The following TPTE2 variants were observed in gnomAD, a reference collection of about 807,000 sequenced individuals.
The protein encoded by TPTE2 is phosphatidylinositol 3,4,5-trisphosphate 3-phosphatase TPTE2.
TPTE2 carries 53 observed loss-of-function variants against 78.6 expected under a neutral mutation model. That is an observed-to-expected ratio of 0.67 (90% CI 0.54 to 0.85). The LOEUF (loss-of-function observed/expected upper bound fraction) is 0.85. Among genes scored for constraint, TPTE2 ranks in the 40% least tolerant of loss-of-function variants. The probability of loss-of-function intolerance (pLI) is 0.00; values close to 1 mark genes in which losing one functional copy is unlikely to be tolerated. For missense variants in TPTE2, 461 were observed against 623.0 expected, an observed-to-expected ratio of 0.74 and a Z score of 2.77; for synonymous variants, 175 against 206.2, an observed-to-expected ratio of 0.85 and a Z score of 1.30.
intron 4 of TPTE2, among the ~76,000 whole-genome samples, chr13:19,479,412 G>A (rs1310991538): frequency 1.3e-5 from 2 of 151,956 alleles, no homozygotes; most frequent in Non-Finnish European, 2.9e-5. Context: ...GACTAGAAAT[G>A]GGCTTCTGAC....
chr13:19,542,711 T>C, the TPTE2 span, among the ~76,000 whole-genome samples: 1 of 152,156 alleles, frequency 6.6e-6, no homozygotes, highest in Admixed American at 6.5e-5. Context: ...ATATTTCATG[T>C]AGGCCAGGCA....
chr13:19,471,813 T>A (rs1276712828), intron 6 of TPTE2, among the ~76,000 whole-genome samples: 1 of 152,234 alleles, frequency 6.6e-6, no homozygotes, highest in Non-Finnish European at 1.5e-5. Context: ...AATGTCCTTA[T>A]CTTTCTGATT....
chr13:19,515,369 G>T (rs1380274507), intron 1 of TPTE2, among the ~76,000 whole-genome samples: 1 of 152,074 alleles, frequency 6.6e-6, no homozygotes, highest in African/African-American at 2.4e-5. Flanking sequence ...TATATTAAAT[G>T]GTATCTTTTT....
intron 5 of TPTE2, 63 bp downstream of exon 8, chr13:19,475,510 G>T: frequency 6.3e-7 from 1 of 1,575,718 alleles, no homozygotes; most frequent in East Asian, 2.3e-5. Context: ...ACAGGCGTGA[G>T]CCACTGCACC....
At chr13:19,436,726 T>C (rs1366373892) in intron 14 of TPTE2, among the ~76,000 whole-genome samples, 1 of 152,130 alleles carries the variant, frequency 6.6e-6, no homozygotes, top group South Asian at 2.1e-4. Flanking sequence ...ACAGTGATCT[T>C]TGGGCAGAGG....
chr13:19,500,579 A>G (rs1482583308), intron 1 of TPTE2, among the ~76,000 whole-genome samples: 3 of 152,240 alleles, frequency 2.0e-5, no homozygotes, highest in Non-Finnish European at 2.9e-5. Flanking sequence ...ATGCAGAAAA[A>G]GCCTTTGACA....
chr13:19,494,853 C>T (rs1172026870), intron 1 of TPTE2, among the ~76,000 whole-genome samples: 2 of 152,188 alleles, frequency 1.3e-5, no homozygotes, highest in African/African-American at 4.8e-5. Flanking sequence ...TAAATAGCTA[C>T]AGTTAGTCTA....
chr13:19,443,766 A>ACC (rs1358485062), intron 13 of TPTE2, among the ~76,000 whole-genome samples: 12 of 127,454 alleles, frequency 9.4e-5, no homozygotes, highest in African/African-American at 3.6e-4. Context: ...ACACACACAC[A>ACC]CACACACACA....
At chr13:19,542,592 T>C in the TPTE2 span, among the ~76,000 whole-genome samples, 2 of 152,194 alleles carry the variant, frequency 1.3e-5, no homozygotes, top group Non-Finnish European at 2.9e-5. Flanking sequence ...GTTTATATTG[T>C]GTAAATATTC....
intron 10 of TPTE2, among the ~76,000 whole-genome samples, chr13:19,453,698 A>C (rs1878352386): frequency 6.6e-6 from 1 of 152,068 alleles, no homozygotes; most frequent in East Asian, 1.9e-4. Flanking sequence ...CTCTGCCAAG[A>C]ATCTACATTT....
intron 1 of TPTE2, among the ~76,000 whole-genome samples, chr13:19,522,182 A>G (rs1403911990): frequency 2.0e-5 from 3 of 152,226 alleles, no homozygotes; most frequent in Admixed American, 2.0e-4. Context: ...ACCAACTGTC[A>G]TGGCATCACA....
At chr13:19,481,623 A>G (rs1880363103) in intron 4 of TPTE2, among the ~76,000 whole-genome samples, 2 of 152,238 alleles carry the variant, frequency 1.3e-5, no homozygotes, top group African/African-American at 4.8e-5. Context: ...AAAGAAGGAA[A>G]TGCTTGCCTT....
chr13:19,474,472 C>T (rs1037596621), intron 5 of TPTE2, among the ~76,000 whole-genome samples: 8 of 152,104 alleles, frequency 5.3e-5, no homozygotes, highest in African/African-American at 1.9e-4. Flanking sequence ...AAAAAATAAA[C>T]CCTCATTAAT....
chr13:19,558,883 T>G, the TPTE2 span, among the ~76,000 whole-genome samples: 1 of 151,034 alleles, frequency 6.6e-6, no homozygotes, highest in East Asian at 1.9e-4. Context: ...AAAGATTCAT[T>G]TTTTTACAAA....
Position 19,486,726 on chromosome 13 carries a change from C to A in TPTE2, c.120-4179G>T, listed in dbSNP as rs1402013810. 3.3e-5 allele frequency among the ~76,000 whole-genome samples: 5 copies of A among 152,198 alleles called. No individual in the cohort carries two copies. The highest frequency in any genetic ancestry group is 6.5e-5 in the Admixed American group (1 of 15,284). ...AGCTCCTAAGCTGGACTGAAGATAT[C>A]TTTGCCAGGGCTGGCCAAGAGGGGG... On this transcript the variant is annotated intron_variant, in intron 3 of 19. Coordinates refer to ENST00000400230, the Ensembl canonical transcript of TPTE2. The surrounding 1 kb of genome is among the most constrained non-coding windows in gnomAD (Gnocchi z 4.3).
chr13:19,444,987 G>A (rs893159569), intron 13 of TPTE2, among the ~76,000 whole-genome samples: 12 of 152,078 alleles, frequency 7.9e-5, no homozygotes, highest in African/African-American at 2.9e-4. Context: ...AAGTTTAAAA[G>A]GAATGAACCT....
intron 10 of TPTE2, among the ~76,000 whole-genome samples, chr13:19,457,744 T>C (rs1319249905): frequency 6.6e-6 from 1 of 152,256 alleles, no homozygotes; most frequent in African/African-American, 2.4e-5. Flanking sequence ...GGTATTTATG[T>C]ATCACATTTT....
At chr13:19,518,930 G>A (rs529405015) in intron 1 of TPTE2, among the ~76,000 whole-genome samples, 2 of 152,244 alleles carry the variant, frequency 1.3e-5, no homozygotes, top group Non-Finnish European at 2.9e-5. Context: ...GTAATTGGTA[G>A]GAACACTTCA....
intron 3 of TPTE2, among the ~76,000 whole-genome samples, chr13:19,490,977 G>A (rs1880955932): frequency 6.6e-6 from 1 of 152,162 alleles, no homozygotes; most frequent in Admixed American, 6.5e-5. Context: ...GGAATAAGAA[G>A]CATTCCTCTT....
Sources: gnomAD v4.1 joint callset for allele counts (sites outside exome capture counted in the v4.1 genomes callset) on GRCh38, gnomAD v4.1.1 for gene constraint, Gnocchi (gnomAD v3.1) non-coding constraint, MANE v1.5 for transcripts, NCBI Gene and HGNC (gene_info 2026-07-23, HGNC 2026-07-21) for gene names.